The following HIVEP3 variants were observed in gnomAD, a reference collection of about 807,000 sequenced individuals.
The protein encoded by HIVEP3 is transcription factor HIVEP3.
Under a neutral mutation model 152.8 loss-of-function variants are expected in HIVEP3, and 49 were observed. The ratio of observed to expected loss-of-function variants is 0.32; its 90% CI spans 0.26 to 0.41. The LOEUF (loss-of-function observed/expected upper bound fraction) is 0.41. Ranked by LOEUF, HIVEP3 falls within the 10% of genes least tolerant of loss-of-function variation. The pLI, the probability that HIVEP3 is intolerant of heterozygous loss-of-function variation, is 1.00. For missense variants in HIVEP3, 2,790 were observed against 3,103.3 expected, an observed-to-expected ratio of 0.90 and a Z score of 2.40; for synonymous variants, 1,269 against 1,289.0, an observed-to-expected ratio of 0.98 and a Z score of 0.33.
intron 8 of HIVEP3, among the ~76,000 whole-genome samples, chr1:41,512,594 T>C (rs764928016): frequency 6.6e-6 from 1 of 152,258 alleles, no homozygotes; most frequent in Non-Finnish European, 1.5e-5. Flanking sequence ...GTCCATGCTC[T>C]GTGCTTCTGA....
chr1:41,617,299 G>A (rs559925213), intron 3 of HIVEP3, among the ~76,000 whole-genome samples: 3 of 152,304 alleles, frequency 2.0e-5, no homozygotes, highest in South Asian at 2.1e-4. Flanking sequence ...ATGGATCAAT[G>A]TGTGTGTTTT....
intron 1 of HIVEP3, among the ~76,000 whole-genome samples, chr1:41,981,411 G>A (rs569562274): frequency 3.9e-5 from 6 of 152,254 alleles, no homozygotes; most frequent in African/African-American, 7.2e-5. Context: ...TGGAGGAGCC[G>A]GCTCCGTCGG....
chr1:42,023,532 T>C (rs1370065747), intron 1 of HIVEP3, among the ~76,000 whole-genome samples: 3 of 152,160 alleles, frequency 2.0e-5, no homozygotes, highest in Admixed American at 1.3e-4. Context: ...GGGAGGTGAT[T>C]GGATCATGGA....
At chr1:41,555,475 G>T (rs1284380685) in intron 5 of HIVEP3, among the ~76,000 whole-genome samples, 1 of 152,216 alleles carries the variant, frequency 6.6e-6, no homozygotes, top group Non-Finnish European at 1.5e-5. Flanking sequence ...GCCCTGCCCT[G>T]CTTCAGCTCG....
intron 2 of HIVEP3, among the ~76,000 whole-genome samples, chr1:41,679,367 T>A (rs1280243402): frequency 6.6e-6 from 1 of 152,154 alleles, no homozygotes; most frequent in Non-Finnish European, 1.5e-5. Context: ...TTTGTCAGAA[T>A]CCAAATCCAG....
chr1:41,872,615 C>T (rs1644102566), intron 1 of HIVEP3, among the ~76,000 whole-genome samples: 1 of 152,116 alleles, frequency 6.6e-6, no homozygotes, highest in Non-Finnish European at 1.5e-5. Flanking sequence ...ATTAGTTTTG[C>T]CTATTCTAGG....
chr1:41,771,354 A>T (rs1188583236), intron 1 of HIVEP3, among the ~76,000 whole-genome samples: 1 of 152,098 alleles, frequency 6.6e-6, no homozygotes, highest in Non-Finnish European at 1.5e-5. Flanking sequence ...AAACAGTTTC[A>T]ATTTAGTAAT....
chr1:41,551,736 A>AT (rs1262415651), intron 5 of HIVEP3, among the ~76,000 whole-genome samples: 2 of 152,048 alleles, frequency 1.3e-5, no homozygotes, highest in Admixed American at 1.3e-4. Context: ...CCCCTTTATC[A>AT]TTTTTTATTG....
At chr1:41,750,283 G>A (rs554729861) in intron 1 of HIVEP3, among the ~76,000 whole-genome samples, 8 of 152,338 alleles carry the variant, frequency 5.3e-5, no homozygotes, top group East Asian at 1.9e-4. Flanking sequence ...GCTATCTTCT[G>A]TCACAACTTC....
At chr1:41,723,535 A>T (rs1646708691) in intron 1 of HIVEP3, among the ~76,000 whole-genome samples, 1 of 150,780 alleles carries the variant, frequency 6.6e-6, no homozygotes, top group East Asian at 1.9e-4. Context: ...ACACACAGCC[A>T]CCATAAAAAA....
chr1:41,902,690 G>C (rs1644645904), intron 1 of HIVEP3, among the ~76,000 whole-genome samples: 2 of 152,338 alleles, frequency 1.3e-5, no homozygotes, highest in South Asian at 4.1e-4. Flanking sequence ...CGCCATCTGA[G>C]CAGAGCGCCG....
chr1:41,859,975 G>T (rs1213104750), intron 1 of HIVEP3, among the ~76,000 whole-genome samples: 1 of 152,222 alleles, frequency 6.6e-6, no homozygotes. Context: ...TCTGTGCCTT[G>T]TGGACAGCAG....
At chr1:41,987,491 A>G (rs59147892) in intron 1 of HIVEP3, among the ~76,000 whole-genome samples, 6,125 of 152,282 alleles carry the variant, frequency 0.04, 437 homozygotes, top group African/African-American at 0.14. Flanking sequence ...CAAAGCTGGA[A>G]GCATCACATT....
rs1183346950 is a variant in HIVEP3 at position 41,533,876 on chromosome 1, T to A, written c.5208-8966A>T. 6.6e-6 allele frequency among the ~76,000 whole-genome samples: 1 copy of A among 151,968 alleles called. No individual in the cohort carries two copies. Among genetic ancestry groups the A allele is most frequent in the Non-Finnish European group, 1.5e-5 (1 of 68,002 alleles). On this transcript the variant is annotated intron_variant, in intron 5 of 8. Transcript: ENST00000372583. The surrounding 1 kb of genome is among the most constrained non-coding windows in gnomAD (Gnocchi z 4.3). ...CCTCTGGTGGTTTTCAGGCACCTCATACCTTGCGTGCCCAGAACCAGCCTT... is the reference window on the plus strand; with the variant it reads ...CCTCTGGTGGTTTTCAGGCACCTCAAACCTTGCGTGCCCAGAACCAGCCTT...
intron 1 of HIVEP3, among the ~76,000 whole-genome samples, chr1:42,035,294 G>A (rs1645634653): frequency 2.0e-5 from 3 of 152,238 alleles, no homozygotes; most frequent in African/African-American, 7.2e-5. Flanking sequence ...GAGCCGGGAT[G>A]CCGGCAGGAC....
chr1:42,026,810 C>A (rs1208210207), intron 1 of HIVEP3, among the ~76,000 whole-genome samples: 2 of 152,208 alleles, frequency 1.3e-5, no homozygotes, highest in Non-Finnish European at 2.9e-5. Context: ...ACCAGCTGTA[C>A]ACTCAGTTCC....
At chr1:41,597,993 A>G (rs909881485) in intron 3 of HIVEP3, among the ~76,000 whole-genome samples, 2 of 152,104 alleles carry the variant, frequency 1.3e-5, no homozygotes, top group African/African-American at 2.4e-5. Flanking sequence ...TTTATATCCG[A>G]TTTTTCCCAT....
chr1:41,630,540 T>C (rs1300701805), intron 2 of HIVEP3, among the ~76,000 whole-genome samples: 1 of 151,788 alleles, frequency 6.6e-6, no homozygotes, highest in Admixed American at 6.6e-5. Context: ...AGATGGAGGG[T>C]TGTATGGAAA....
intron 1 of HIVEP3, among the ~76,000 whole-genome samples, chr1:41,995,384 T>C (rs554246790): frequency 3.3e-5 from 5 of 152,262 alleles, no homozygotes; most frequent in African/African-American, 9.6e-5. Flanking sequence ...AGAAAACAAT[T>C]GCCAATCTAG....
Sources: gnomAD v4.1 joint callset for allele counts (sites outside exome capture counted in the v4.1 genomes callset) on GRCh38, gnomAD v4.1.1 for gene constraint, Gnocchi (gnomAD v3.1) non-coding constraint, MANE v1.5 for transcripts, NCBI Gene and HGNC (gene_info 2026-07-23, HGNC 2026-07-21) for gene names.